Variants in DNER observed in about 807,000 individuals in gnomAD.
DNER encodes the protein delta and Notch-like epidermal growth factor-related receptor.
In DNER, 33 loss-of-function variants were observed where a neutral mutation model predicts 78.2. The observed-to-expected ratio is 0.42, with a 90% CI of 0.32 to 0.56. The LOEUF (loss-of-function observed/expected upper bound fraction) is 0.56, where lower values mean the gene tolerates loss of function less well. DNER is among the 20% of genes least tolerant of loss of function. The pLI, the probability that DNER is intolerant of heterozygous loss-of-function variation, is 0.11. For missense variants in DNER, 918 were observed against 975.3 expected, an observed-to-expected ratio of 0.94 and a Z score of 0.78; for synonymous variants, 417 against 384.8, an observed-to-expected ratio of 1.08 and a Z score of -0.98.
rs187261577 is a variant in DNER at position 229,688,866 on chromosome 2, A to T, written c.276+25282T>A. On this transcript the variant is annotated intron_variant, in intron 1 of 12. Coordinates refer to ENST00000341772, the MANE Select transcript of DNER (RefSeq NM_139072.4). ...CAGGGACATGGAGCTGGAAGCCGTCATCCTGAGCAAACTAACACAGGAACA... is the reference window on the plus strand; with the variant it reads ...CAGGGACATGGAGCTGGAAGCCGTCTTCCTGAGCAAACTAACACAGGAACA... Among the ~76,000 whole-genome samples, 133 of 152,330 alleles carry T rather than the reference A, an allele frequency of 8.7e-4. 2 individuals are homozygous for T. The highest frequency in any genetic ancestry group is 1.2e-3 in the Non-Finnish European group (84 of 68,038).
chr2:229,551,589 G>A (rs766025649), intron 4 of DNER, among the ~76,000 whole-genome samples: 2 of 151,654 alleles, frequency 1.3e-5, no homozygotes, highest in Non-Finnish European at 2.9e-5. Flanking sequence ...AGCCAAAATC[G>A]TGCCACTGCA....
intron 11 of DNER, among the ~76,000 whole-genome samples, chr2:229,386,397 G>A (rs1692866804): frequency 6.6e-6 from 1 of 152,130 alleles, no homozygotes; most frequent in South Asian, 2.1e-4. Flanking sequence ...ATACCATTCA[G>A]GACATAGGCA....
intron 1 of DNER, among the ~76,000 whole-genome samples, chr2:229,599,775 C>CG: frequency 6.6e-6 from 1 of 152,054 alleles, no homozygotes; most frequent in East Asian, 1.9e-4. Flanking sequence ...AATGCCTCAG[C>CG]GAAAAGGGCA....
chr2:229,673,818 C>T (rs1453633597), intron 1 of DNER, among the ~76,000 whole-genome samples: 3 of 152,244 alleles, frequency 2.0e-5, no homozygotes, highest in Non-Finnish European at 4.4e-5. Context: ...CTCCTCCCTT[C>T]CCCATGGCTC....
At chr2:229,446,306 G>A (rs1377648901) in intron 8 of DNER, among the ~76,000 whole-genome samples, 1 of 152,220 alleles carries the variant, frequency 6.6e-6, no homozygotes, top group Non-Finnish European at 1.5e-5. Context: ...CTAAGGAGGA[G>A]AGAGACACAT....
At chr2:229,702,423 C>T (rs1374419599) in intron 1 of DNER, among the ~76,000 whole-genome samples, 1 of 152,078 alleles carries the variant, frequency 6.6e-6, no homozygotes, top group East Asian at 1.9e-4. Context: ...ATAGTCCCAG[C>T]TACTCGAGAG....
At chr2:229,656,840 T>C (rs1486636784) in intron 1 of DNER, among the ~76,000 whole-genome samples, 1 of 152,206 alleles carries the variant, frequency 6.6e-6, no homozygotes, top group African/African-American at 2.4e-5. Context: ...ATTTTTCTCT[T>C]TTTTTCTGGC....
At chr2:229,491,940 T>C (rs1695408113) in intron 6 of DNER, among the ~76,000 whole-genome samples, 1 of 145,638 alleles carries the variant, frequency 6.9e-6, no homozygotes, top group African/African-American at 2.5e-5. Context: ...TTTCCCATTT[T>C]TGCCATGATT....
Position 229,358,131 on chromosome 2 carries a change from G to C in DNER, c.*409C>G, listed in dbSNP as rs1231640474. The C allele has an allele frequency of 6.5e-6, 1 of 153,610 alleles. No homozygotes were observed. Among genetic ancestry groups the C allele is most frequent in the Admixed American group, 6.5e-5 (1 of 15,394 alleles). The allele number at this position is 153,610 out of a possible 1,614,324, so 9.5% of individuals were successfully genotyped here. A position where few individuals can be genotyped will look rare whatever the true frequency, so the allele number is the denominator to read the frequency against. Reference sequence around the variant, plus strand: ...TTTCAGACTTCTTTTTAAGTAACGGGTATACTCTATTATACATCATATGCT... The same window carrying C: ...TTTCAGACTTCTTTTTAAGTAACGGCTATACTCTATTATACATCATATGCT... On this transcript the variant is annotated 3_prime_UTR_variant, in exon 13 of 13. Coordinates refer to ENST00000341772, the MANE Select transcript of DNER (RefSeq NM_139072.4).
Position 229,591,670 on chromosome 2 carries a change from G to T in DNER, c.495C>A (p.Ile165=). The T allele has an allele frequency of 6.2e-7, 1 of 1,614,190 alleles. No homozygotes were observed. Among genetic ancestry groups the T allele is most frequent in the Non-Finnish European group, 8.5e-7 (1 of 1,180,038 alleles). ...PVPATQEPDK[I]LPRSQATVTL... is the part of the protein sequence containing the mutation. ...TCACCGTTGCCTGAGAGCGAGGCAG[G>T]ATTTTGTCAGGCTCCTGAGTAGCAG... Residue 165 remains isoleucine (I), a synonymous_variant, in exon 2 of 13, where the codon ATC becomes ATA. Coordinates refer to ENST00000341772, the MANE Select transcript of DNER (RefSeq NM_139072.4). The surrounding 1 kb of genome is among the most constrained non-coding windows in gnomAD (Gnocchi z 4.6).
At chr2:229,556,478 C>G (rs907523255) in intron 4 of DNER, among the ~76,000 whole-genome samples, 3 of 152,152 alleles carry the variant, frequency 2.0e-5, no homozygotes, top group African/African-American at 7.2e-5. Context: ...CAGTTAAGAA[C>G]CACTGGTCTG....
intron 1 of DNER, among the ~76,000 whole-genome samples, chr2:229,650,540 A>T (rs560688962): frequency 2.0e-5 from 3 of 152,302 alleles, no homozygotes; most frequent in Admixed American, 2.0e-4. Context: ...GACTTCCAAT[A>T]CCAAATTTTC....
At position 229,702,429 on chromosome 2, in the gene DNER, G is replaced by C. The variant is rs192333750; in HGVS notation, c.276+11719C>G. Among the ~76,000 whole-genome samples the C allele has an allele frequency of 2.6e-5, 4 of 152,080 alleles. No individual in the cohort carries two copies. The East Asian group carries it at 7.7e-4, about 29-fold the overall frequency. On this transcript the variant is annotated intron_variant, in intron 1 of 12. Coordinates refer to ENST00000341772, the MANE Select transcript of DNER (RefSeq NM_139072.4). ...TGCATGCCTATAGTCCCAGCTACTC[G>C]AGAGGCTGAGGCAGGAGGATCACTT...
intron 8 of DNER, among the ~76,000 whole-genome samples, chr2:229,438,120 G>C (rs1691625355): frequency 6.6e-6 from 1 of 152,206 alleles, no homozygotes; most frequent in Admixed American, 6.5e-5. Context: ...TGGATTGCTG[G>C]ATCTACAGAA....
intron 11 of DNER, among the ~76,000 whole-genome samples, chr2:229,381,644 T>C (rs74867849): frequency 6.6e-6 from 1 of 152,058 alleles, no homozygotes; most frequent in East Asian, 1.9e-4. Context: ...CCCCTCACAG[T>C]GTAAACAAAG....
intron 1 of DNER, among the ~76,000 whole-genome samples, chr2:229,661,998 C>A (rs1699017825): frequency 6.6e-6 from 1 of 152,178 alleles, no homozygotes; most frequent in South Asian, 2.1e-4. Flanking sequence ...TAACATCAAA[C>A]AATTTGATTT....
At chr2:229,465,666 C>A (rs1694788788) in intron 7 of DNER, among the ~76,000 whole-genome samples, 1 of 152,128 alleles carries the variant, frequency 6.6e-6, no homozygotes. Context: ...TAAACAAGAT[C>A]ACTTAGTGAT....
At chr2:229,695,281 T>C (rs897371102) in intron 1 of DNER, among the ~76,000 whole-genome samples, 6 of 152,176 alleles carry the variant, frequency 3.9e-5, no homozygotes, top group South Asian at 2.1e-4. Context: ...TCATCATCTA[T>C]CAAGTAGGGG....
In DNER at chr2:229,684,165, A is replaced by AGTGTGT. The variant is rs1392061568; in HGVS notation, c.276+29982_276+29983insACACAC. Among the ~76,000 whole-genome samples, 319 of 116,980 alleles carry AGTGTGT rather than the reference A, an allele frequency of 2.7e-3. 2 individuals carry two copies. Among genetic ancestry groups the AGTGTGT allele is most frequent in the Middle Eastern group, 4.3e-3 (1 of 234 alleles). 76.7% of individuals were successfully genotyped at this position (116,980 alleles called of 152,430 possible). ...GTATGTGAGAGAGAGAGAGAGAGAG[A>AGTGTGT]GAGAGTGTGTGTGTGTGTGTGTGTG... On this transcript the variant is annotated intron_variant, in intron 1 of 12. Transcript: ENST00000341772.
Sources: allele counts gnomAD v4.1 joint callset (sites outside exome capture counted in the v4.1 genomes callset), GRCh38; gene constraint gnomAD v4.1.1; non-coding constraint Gnocchi (gnomAD v3.1); transcripts MANE v1.5; gene names NCBI Gene and HGNC (gene_info 2026-07-23, HGNC 2026-07-21).